DPP6: variants seen among roughly 807,000 people sequenced by gnomAD.
DPP6 encodes dipeptidyl peptidase like 6.
Under a neutral mutation model 122.6 loss-of-function variants are expected in DPP6, and 69 were observed. The ratio of observed to expected loss-of-function variants is 0.56; its 90% CI spans 0.46 to 0.69. The LOEUF (loss-of-function observed/expected upper bound fraction) is 0.69. DPP6 is among the 30% of genes least tolerant of loss of function. The pLI is 0.00. For synonymous variants in DPP6, 418 were observed against 433.1 expected (o/e 0.97, Z 0.43); for missense variants, 928 against 1,116.9 (o/e 0.83, Z 2.41).
At chr7:154,202,861 T>C (rs1799243939) in intron 1 of DPP6, among the ~76,000 whole-genome samples, 1 of 152,202 alleles carries the variant, frequency 6.6e-6, no homozygotes, top group Admixed American at 6.5e-5. Flanking sequence ...ACCTGGACTA[T>C]ATTAGGCCTT....
the DPP6 span, among the ~76,000 whole-genome samples, chr7:153,859,799 G>A: frequency 2.0e-5 from 3 of 152,212 alleles, no homozygotes; most frequent in South Asian, 4.1e-4. Context: ...TCACAGGGTG[G>A]CAGGAGAGAG....
rs1362942855 is a variant in DPP6 at position 154,450,089 on chromosome 7, AC to A, written c.358+3762del. On this transcript the variant is annotated intron_variant, in intron 2 of 25. Coordinates refer to ENST00000377770, the MANE Select transcript of DPP6 (RefSeq NM_130797.4). The stretch of plus-strand genomic sequence containing the variant: ...TAACCATACAATGGAATACTCCTCC[AC>A]TGTAAAAAGGAATGAAGAGCTGATC... Among the ~76,000 whole-genome samples the A allele has an allele frequency of 3.9e-5, 6 of 152,204 alleles. No homozygotes were observed. The East Asian group carries it at 1.2e-3, about 29-fold the overall frequency.
chr7:154,730,899 T>G (rs1290205987), intron 8 of DPP6, among the ~76,000 whole-genome samples: 1 of 152,260 alleles, frequency 6.6e-6, no homozygotes. Context: ...AGCTTTTGCT[T>G]TAGCAAATCC....
At chr7:154,583,432 C>G (rs1832216349) in intron 5 of DPP6, among the ~76,000 whole-genome samples, 1 of 152,228 alleles carries the variant, frequency 6.6e-6, no homozygotes, top group African/African-American at 2.4e-5. Context: ...TGGCTGCCTC[C>G]TGGCCACTTA....
intron 1 of DPP6, among the ~76,000 whole-genome samples, chr7:153,891,018 A>ATTTT (rs71182849): frequency 5.1e-5 from 3 of 59,172 alleles, no homozygotes; most frequent in East Asian, 9.7e-4. Context: ...TTCTATTTTA[A>ATTTT]TTTTTTTTTT....
At chr7:154,676,828 A>G (rs947764282) in intron 7 of DPP6, among the ~76,000 whole-genome samples, 30 of 152,264 alleles carry the variant, frequency 2.0e-4, no homozygotes, top group African/African-American at 7.2e-4. Context: ...GGCTTACAGA[A>G]GCGAGAACTA....
At chr7:154,562,877 C>T (rs1439506440) in intron 4 of DPP6, among the ~76,000 whole-genome samples, 1 of 152,060 alleles carries the variant, frequency 6.6e-6, no homozygotes, top group Non-Finnish European at 1.5e-5. Context: ...AATAAATTTA[C>T]AAAATATGGG....
intron 7 of DPP6, among the ~76,000 whole-genome samples, chr7:154,687,558 T>C (rs1184898402): frequency 6.6e-6 from 1 of 152,220 alleles, no homozygotes. Flanking sequence ...TGCCCCTTTC[T>C]TATTGATGCG....
At chr7:154,717,597 C>T (rs1563136075) in intron 7 of DPP6, among the ~76,000 whole-genome samples, 1 of 152,122 alleles carries the variant, frequency 6.6e-6, no homozygotes, top group Non-Finnish European at 1.5e-5. Flanking sequence ...TGGCTAAATA[C>T]TATTTCCTTG....
chr7:153,994,005 T>G (rs115280656), intron 1 of DPP6, among the ~76,000 whole-genome samples: 8,462 of 132,478 alleles, frequency 0.064, no homozygotes, highest in South Asian at 0.078. Context: ...ATTGGATCAA[T>G]AAGCTAATAT....
chr7:154,106,272 C>T (rs1338281019), intron 1 of DPP6, among the ~76,000 whole-genome samples: 2 of 127,818 alleles, frequency 1.6e-5, no homozygotes, highest in East Asian at 4.3e-4. Flanking sequence ...CTCACTTCTC[C>T]ATGAGGGGCT....
the DPP6 span, among the ~76,000 whole-genome samples, chr7:153,757,667 A>G: frequency 6.6e-6 from 1 of 152,208 alleles, no homozygotes. Context: ...AAGCCTAGAA[A>G]GAACCATGGG....
At chr7:154,358,615 A>G (rs1811467805) in intron 1 of DPP6, among the ~76,000 whole-genome samples, 1 of 152,106 alleles carries the variant, frequency 6.6e-6, no homozygotes, top group South Asian at 2.1e-4. Context: ...CACTTATCCT[A>G]TTTTCCTTGC....
At chr7:154,830,949 G>A (rs568300594) in intron 16 of DPP6, among the ~76,000 whole-genome samples, 68 of 152,324 alleles carry the variant, frequency 4.5e-4, no homozygotes, top group African/African-American at 1.4e-3. Flanking sequence ...CCACAGAACC[G>A]ATTCTCGCAG....
At chr7:153,940,469 G>A (rs1051828093) in intron 1 of DPP6, among the ~76,000 whole-genome samples, 1 of 152,142 alleles carries the variant, frequency 6.6e-6, no homozygotes, top group African/African-American at 2.4e-5. Context: ...CACTGAAATA[G>A]TCTCTATGAG....
At chr7:154,052,055 T>TGGCC (rs1169298227), upstream of DPP6, among the ~76,000 whole-genome samples, 37 of 151,220 alleles carry the variant, frequency 2.4e-4, no homozygotes, top group Admixed American at 2.2e-3. This position sits in a 1 kb window ranked among gnomAD's most constrained non-coding sequence, Gnocchi z 4.8. Flanking sequence ...AGTCGCCCCC[T>TGGCC]GGCCGGCCTG....
intron 1 of DPP6, among the ~76,000 whole-genome samples, chr7:154,183,834 C>A (rs1180977263): frequency 6.6e-6 from 1 of 152,228 alleles, no homozygotes; most frequent in African/African-American, 2.4e-5. Context: ...CACTCAGCAC[C>A]GGGACTGTCA....
At chr7:153,772,060 G>T in the DPP6 span, among the ~76,000 whole-genome samples, 1 of 152,052 alleles carries the variant, frequency 6.6e-6, no homozygotes, top group African/African-American at 2.4e-5. Context: ...CTCCTTCACA[G>T]CATACATTGT....
At chr7:154,049,644 G>A (rs1800195440), upstream of DPP6, among the ~76,000 whole-genome samples, 1 of 143,734 alleles carries the variant, frequency 7.0e-6, no homozygotes, top group African/African-American at 2.6e-5. Flanking sequence ...CTAGAATGCA[G>A]TGGCGCGATC....
Sources: gnomAD v4.1 joint callset for allele counts (sites outside exome capture counted in the v4.1 genomes callset) on GRCh38, gnomAD v4.1.1 for gene constraint, Gnocchi (gnomAD v3.1) non-coding constraint, MANE v1.5 for transcripts, NCBI Gene and HGNC (gene_info 2026-07-23, HGNC 2026-07-21) for gene names.